The following CLOCK variants were observed in gnomAD, a reference collection of about 807,000 sequenced individuals.
The protein encoded by CLOCK is circadian locomoter output cycles protein kaput.
Under a neutral mutation model 118.4 loss-of-function variants are expected in CLOCK, and 43 were observed. The ratio of observed to expected loss-of-function variants is 0.36; its 90% CI spans 0.28 to 0.47. CLOCK has a LOEUF of 0.47. CLOCK is among the 20% of genes least tolerant of loss of function. CLOCK has a pLI of 1.00. For missense variants in CLOCK, 846 were observed against 999.9 expected (o/e 0.85, Z 2.08); for synonymous variants, 326 against 339.2 (o/e 0.96, Z 0.43).
At chr4:55,485,208 G>A (rs1050830876) in intron 3 of CLOCK, among the ~76,000 whole-genome samples, 19 of 151,910 alleles carry the variant, frequency 1.3e-4, no homozygotes, top group South Asian at 2.1e-4. Context: ...CTGGTGATCC[G>A]CCTGCCTCAG....
At chr4:55,493,940 AC>A (rs1727886298) in intron 2 of CLOCK, among the ~76,000 whole-genome samples, 1 of 152,242 alleles carries the variant, frequency 6.6e-6, no homozygotes, top group African/African-American at 2.4e-5. Context: ...CATTAAATAA[AC>A]AAAAACTAAA....
intron 1 of CLOCK, among the ~76,000 whole-genome samples, chr4:55,537,532 C>T (rs1391094505): frequency 6.6e-6 from 1 of 152,046 alleles, no homozygotes; most frequent in Non-Finnish European, 1.5e-5. Flanking sequence ...GTGCGAGGAT[C>T]TCTTGAGCCT....
chr4:55,533,665 G>A (rs1022148624), intron 1 of CLOCK, among the ~76,000 whole-genome samples: 25 of 152,158 alleles, frequency 1.6e-4, no homozygotes, highest in African/African-American at 6.0e-4. Context: ...CACTTTGGGA[G>A]GCCAAGGCAG....
chr4:55,543,601 T>C (rs1731420699), intron 1 of CLOCK, among the ~76,000 whole-genome samples: 1 of 152,074 alleles, frequency 6.6e-6, no homozygotes. Context: ...TTATTATATA[T>C]ACACTGTATT....
At chr4:55,522,454 A>C (rs1366952768) in intron 1 of CLOCK, among the ~76,000 whole-genome samples, 1 of 152,118 alleles carries the variant, frequency 6.6e-6, no homozygotes, top group Non-Finnish European at 1.5e-5. Flanking sequence ...CATATCAGTA[A>C]GAAAAAAAGA....
Position 55,470,735 on chromosome 4 carries a change from T to G in CLOCK, c.420A>C (p.Ser140=). The G allele has an allele frequency of 6.2e-7, 1 of 1,606,276 alleles. No homozygotes were observed. The highest frequency in any genetic ancestry group is 8.5e-7 in the Non-Finnish European group (1 of 1,173,616). ...TACTTACTGGTAAATGTTCAAGTAA[T>G]GAAGTTACACTCTCAGACACATATA... ...SIIYVSESVT[S]LLEHLPSDLV... Residue 140 remains serine (S), a synonymous_variant, in exon 8 of 23, where the codon TCA becomes TCC. Coordinates refer to ENST00000513440, the MANE Select transcript of CLOCK (RefSeq NM_004898.4).
chr4:55,438,546 AG>A lies in CLOCK; in HGVS notation c.2106-10del, dbSNP rs749371623. ...GTTGACCTTGAGAAAATCTGTTAGA[AG>A]AAAGAAGGAAAAAAATTGGAGTCCA... On this transcript the variant is annotated splice_polypyrimidine_tract_variant and intron_variant, in intron 21 of 22. Coordinates refer to ENST00000513440, the MANE Select transcript of CLOCK (RefSeq NM_004898.4). 6.2e-7 allele frequency: 1 copy of A among 1,612,942 alleles called. No individual in the cohort carries two copies. Among genetic ancestry groups the A allele is most frequent in the Non-Finnish European group, 8.5e-7 (1 of 1,179,970 alleles).
At chr4:55,464,610 G>T (rs1577728302) in intron 8 of CLOCK, among the ~76,000 whole-genome samples, 1 of 152,334 alleles carries the variant, frequency 6.6e-6, no homozygotes, top group East Asian at 1.9e-4. Flanking sequence ...GGGTGGGGAA[G>T]TAAAAAGGAG....
In CLOCK at chr4:55,537,260, T is replaced by C. The variant is rs116653265; in HGVS notation, c.-290+9522A>G. ...ACTCCAGGAGGCCAAGGAAAGAGGATTGCTTGAACTGAGTTCAAGACCAAC... is the reference window on the plus strand; with the variant it reads ...ACTCCAGGAGGCCAAGGAAAGAGGACTGCTTGAACTGAGTTCAAGACCAAC... On this transcript the variant is annotated intron_variant, in intron 1 of 22. Transcript: ENST00000513440. Among the ~76,000 whole-genome samples, 995 of 152,204 alleles carry C rather than the reference T, an allele frequency of 6.5e-3. 9 individuals carry two copies. Among genetic ancestry groups the C allele is most frequent in the African/African-American group, 0.023 (944 of 41,520 alleles).
chr4:55,470,287 T>A (rs978622993), intron 8 of CLOCK, among the ~76,000 whole-genome samples: 1 of 152,188 alleles, frequency 6.6e-6, no homozygotes, highest in Non-Finnish European at 1.5e-5. Context: ...ACCTTTTCTA[T>A]GTTTAGGTAT....
At chr4:55,454,396 C>G (rs1385611967) in intron 13 of CLOCK, among the ~76,000 whole-genome samples, 23 of 151,990 alleles carry the variant, frequency 1.5e-4, no homozygotes, top group Admixed American at 1.5e-3. Flanking sequence ...GGGAGGATCA[C>G]TTGAGGTCAG....
Position 55,436,676 on chromosome 4 carries a change from CAG to C in CLOCK, c.2362-1084_2362-1083del, listed in dbSNP as rs139917175. 9.4e-3 allele frequency among the ~76,000 whole-genome samples: 1,436 copies of C among 152,248 alleles called. 27 individuals are homozygous for C. Among genetic ancestry groups the C allele is most frequent in the African/African-American group, 0.033 (1,369 of 41,530 alleles). On this transcript the variant is annotated intron_variant, in intron 22 of 22. Transcript: ENST00000513440. ...ACTACTACACTTTGTCAAGGATCTTCAGAGTTTTCTTTCTCTCTTTGTTATTA... is the reference window on the plus strand; with the variant it reads ...ACTACTACACTTTGTCAAGGATCTTCAGTTTTCTTTCTCTCTTTGTTATTA...
intron 3 of CLOCK, among the ~76,000 whole-genome samples, chr4:55,485,796 C>T (rs910133897): frequency 6.6e-6 from 1 of 151,982 alleles, no homozygotes; most frequent in African/African-American, 2.4e-5. Flanking sequence ...GGATGACATC[C>T]CATTTTACAT....
chr4:55,491,511 A>G (rs1181669103), intron 2 of CLOCK, among the ~76,000 whole-genome samples: 1 of 142,716 alleles, frequency 7.0e-6, no homozygotes, highest in Non-Finnish European at 1.6e-5. Flanking sequence ...GATGTCACAG[A>G]AATAAAAAAG....
intron 7 of CLOCK, among the ~76,000 whole-genome samples, chr4:55,475,181 ACTT>A: frequency 6.6e-6 from 1 of 152,320 alleles, no homozygotes; most frequent in South Asian, 2.1e-4. Flanking sequence ...CTTGTGGATA[ACTT>A]TGAGGGGTTC....
At chr4:55,506,852 C>T (rs568966815) in intron 2 of CLOCK, among the ~76,000 whole-genome samples, 20 of 152,260 alleles carry the variant, frequency 1.3e-4, no homozygotes, top group African/African-American at 4.6e-4. Context: ...TGAGCCACCA[C>T]GCCCGGTCTA....
At chr4:55,494,224 C>T (rs187602411) in intron 2 of CLOCK, among the ~76,000 whole-genome samples, 3 of 152,170 alleles carry the variant, frequency 2.0e-5, no homozygotes, top group South Asian at 4.2e-4. Context: ...TGAAGCTATA[C>T]GACTCTACAC....
chr4:55,491,994 T>A (rs570080383), intron 2 of CLOCK, among the ~76,000 whole-genome samples: 9 of 152,052 alleles, frequency 5.9e-5, no homozygotes, highest in African/African-American at 2.2e-4. Flanking sequence ...TTAATACCAA[T>A]CCCCCTCAAA....
At chr4:55,516,913 T>C (rs768358273) in intron 1 of CLOCK, among the ~76,000 whole-genome samples, 17 of 152,202 alleles carry the variant, frequency 1.1e-4, no homozygotes, top group Non-Finnish European at 1.8e-4. Flanking sequence ...CTAAGTCTAC[T>C]TTCAAATAAC....
Sources: gnomAD v4.1 joint callset for allele counts (sites outside exome capture counted in the v4.1 genomes callset) on GRCh38, gnomAD v4.1.1 for gene constraint, MANE v1.5 for transcripts, NCBI Gene and HGNC (gene_info 2026-07-23, HGNC 2026-07-21) for gene names.